Variants in KIAA0319 observed in about 807,000 individuals in gnomAD.
KIAA0319 encodes the protein KIAA0319.
Under a neutral mutation model 108.4 loss-of-function variants are expected in KIAA0319, and 83 were observed. That is an observed-to-expected ratio of 0.77 (90% CI 0.64 to 0.92). The LOEUF is 0.92. KIAA0319 is among the 40% of genes least tolerant of loss of function. KIAA0319 has a pLI of 0.00. For synonymous variants in KIAA0319, 484 were observed against 510.4 expected (o/e 0.95, Z 0.70); for missense variants, 1,195 against 1,322.4 (o/e 0.90, Z 1.49).
chr6:24,579,412 G>GATATATATATATAT lies in KIAA0319; in HGVS notation c.1372+432_1372+445dup, dbSNP rs3840133. ...GGTCACGGGAGCTCCTCTATATAAAGATATATATATATATATATATCTTAT... is the reference window on the plus strand; with the variant it reads ...GGTCACGGGAGCTCCTCTATATAAAGATATATATATATATATATATATATATATATATATCTTAT... On this transcript the variant is annotated intron_variant, in intron 8 of 20. Coordinates refer to ENST00000378214, the MANE Select transcript of KIAA0319 (RefSeq NM_014809.4). Among the ~76,000 whole-genome samples, 660 of 127,172 alleles carry GATATATATATATAT rather than the reference G, an allele frequency of 5.2e-3. 18 individuals carry two copies. Among genetic ancestry groups the GATATATATATATAT allele is most frequent in the African/African-American group, 0.013 (421 of 31,408 alleles). 83.4% of individuals were successfully genotyped at this position (127,172 alleles called of 152,430 possible). A position where few individuals can be genotyped will look rare whatever the true frequency, so the allele number is the denominator to read the frequency against.
intron 18 of KIAA0319, among the ~76,000 whole-genome samples, chr6:24,555,496 CAAAAAAAAA>C (rs34005198): frequency 2.5e-5 from 2 of 80,888 alleles, no homozygotes; most frequent in African/African-American, 4.2e-5. Context: ...GACTCCATCT[CAAAAAAAAA>C]AAAAAAAAAA....
rs781434453 is a variant in KIAA0319 at position 24,547,332 on chromosome 6, G to C, written c.3052C>G (p.Arg1018Gly). 4.3e-6 allele frequency: 7 copies of C among 1,613,812 alleles called. No individual in the cohort carries two copies. The South Asian group carries it at 6.6e-5, about 15-fold the overall frequency. Residue 1018 changes from arginine (R) to glycine (G), a missense_variant, in exon 21 of 21, where the codon CGA becomes GGA. By Grantham distance (125) the Arg-to-Gly change is moderately radical (BLOSUM62 -2). Transcript: ENST00000378214. Reference sequence around the variant, plus strand: ...AGGCTGGAGTTGTGCTCTGTGCTTCGGTGCTTGATACCTAGAGAGAAGCAC... The same window carrying C: ...AGGCTGGAGTTGTGCTCTGTGCTTCCGTGCTTGATACCTAGAGAGAAGCAC... ...ELRPKYGIKH[R>G]STEHNSSLMV...
intron 13 of KIAA0319, among the ~76,000 whole-genome samples, chr6:24,568,563 C>T (rs1764225141): frequency 6.6e-6 from 1 of 152,214 alleles, no homozygotes; most frequent in Non-Finnish European, 1.5e-5. Flanking sequence ...AGAAGATATG[C>T]TCCACAAACA....
chr6:24,579,706 AGG>A, intron 8 of KIAA0319, 150 bp downstream of exon 8: 2 of 604,960 alleles, frequency 3.3e-6, no homozygotes, highest in South Asian at 2.2e-5. Context: ...GAGGAGCTAA[AGG>A]AACTAAAGAA....
At chr6:24,571,207 A>G (rs1452765716) in intron 11 of KIAA0319, among the ~76,000 whole-genome samples, 1 of 151,574 alleles carries the variant, frequency 6.6e-6, no homozygotes, top group Non-Finnish European at 1.5e-5. Context: ...AAAAAAAAAA[A>G]GTATTGCTAA....
At chr6:24,630,232 G>C (rs1239608821) in intron 1 of KIAA0319, among the ~76,000 whole-genome samples, 1 of 151,730 alleles carries the variant, frequency 6.6e-6, no homozygotes, top group Non-Finnish European at 1.5e-5. Flanking sequence ...AAAATTGCTG[G>C]GTGCAGTGGC....
At chr6:24,570,213 A>G (rs1439311992) in intron 11 of KIAA0319, among the ~76,000 whole-genome samples, 178 bp from the exon 12 acceptor site, 1 of 152,230 alleles carries the variant, frequency 6.6e-6, no homozygotes, top group Non-Finnish European at 1.5e-5. Flanking sequence ...CAGGAGTTGA[A>G]CAGTCCAAGT....
In KIAA0319 at chr6:24,579,869, A is replaced by G. The variant is rs114195393; in HGVS notation, c.1361T>C (p.Ile454Thr). ...CTCAGGATACACACGGCTGCCATCA[A>G]TGAGGGCTGACGTCAAAGGCAAAGT... ...ELTLPLTSAL[I>T]DGSQSTDDTE... The change falls in exon 8 of 21, where the codon ATT becomes ACT. Residue 454 changes from isoleucine (I) to threonine (T), a missense_variant. Physicochemically the swap from Ile to Thr is moderately conservative, Grantham distance 89. Coordinates refer to ENST00000378214, the MANE Select transcript of KIAA0319 (RefSeq NM_014809.4). 854 of 1,602,210 alleles carry G rather than the reference A, an allele frequency of 5.3e-4. 2 individuals carry two copies. In the African/African-American group the frequency reaches 8.6e-3, roughly 16 times the overall value.
downstream of KIAA0319, among the ~76,000 whole-genome samples, chr6:24,543,611 T>A (rs961820725): frequency 6.6e-6 from 1 of 152,104 alleles, no homozygotes; most frequent in Non-Finnish European, 1.5e-5. Flanking sequence ...GTGTGTGTGT[T>A]TTTTGAGACA....
chr6:24,577,326 T>C (rs541251264), intron 9 of KIAA0319, among the ~76,000 whole-genome samples: 15 of 152,364 alleles, frequency 9.8e-5, no homozygotes, highest in South Asian at 2.1e-4. Context: ...CAAAGCTTTT[T>C]ACTTTTTAAT....
At chr6:24,583,761 C>A in intron 4 of KIAA0319, 59 bp from the exon 5 acceptor site, 1 of 1,009,592 alleles carries the variant, frequency 9.9e-7, no homozygotes, top group Non-Finnish European at 1.6e-6. Flanking sequence ...TACATTACTG[C>A]TCTACACTAG....
In KIAA0319 at chr6:24,596,386, G is replaced by A. The variant is rs200115570; in HGVS notation, c.288C>T (p.Ile96=). The change falls in exon 3 of 21, where the codon ATC becomes ATT. Residue 96 remains isoleucine (I), a synonymous_variant. Coordinates refer to ENST00000378214, the MANE Select transcript of KIAA0319 (RefSeq NM_014809.4). ...ENCEPKKMGP[I]RSYLTFVLRP... Reference sequence around the variant, plus strand: ...GGAGCACAAAAGTGAGATAAGACCTGATGGGGCCCATCTTCTTGGGCTCAC... The same window carrying A: ...GGAGCACAAAAGTGAGATAAGACCTAATGGGGCCCATCTTCTTGGGCTCAC... 1 of 1,614,238 alleles carries A rather than the reference G, an allele frequency of 6.2e-7. No homozygotes were observed. The highest frequency in any genetic ancestry group is 8.5e-7 in the Non-Finnish European group (1 of 1,180,042).
intron 14 of KIAA0319, among the ~76,000 whole-genome samples, chr6:24,564,824 C>A (rs1763669890): frequency 6.6e-6 from 1 of 152,152 alleles, no homozygotes; most frequent in Non-Finnish European, 1.5e-5. Context: ...GAGAGAAGAA[C>A]CTCCCAGACT....
chr6:24,578,050 T>A, intron 9 of KIAA0319, 60 bp downstream of exon 9: 2 of 1,519,274 alleles, frequency 1.3e-6, no homozygotes, highest in Non-Finnish European at 1.8e-6. Context: ...GTGCGTTAAT[T>A]TAAAGAAACA....
At chr6:24,548,660 T>C (rs1438489129) in intron 20 of KIAA0319, among the ~76,000 whole-genome samples, 2 of 152,164 alleles carry the variant, frequency 1.3e-5, no homozygotes, top group Non-Finnish European at 2.9e-5. Context: ...TCATGGAGTA[T>C]GCAGAAGCAT....
intron 1 of KIAA0319, among the ~76,000 whole-genome samples, chr6:24,615,007 A>C (rs1389378161): frequency 2.0e-5 from 3 of 152,220 alleles, no homozygotes; most frequent in Non-Finnish European, 1.5e-5. Flanking sequence ...CTCAAAATTT[A>C]TTCAATAAAT....
In KIAA0319 at chr6:24,572,555, T is replaced by C. The variant is rs564101168; in HGVS notation, c.1858+20A>G. 33 of 1,605,660 alleles carry C rather than the reference T, an allele frequency of 2.1e-5. No individual in the cohort carries two copies. Among genetic ancestry groups the C allele is most frequent in the Non-Finnish European group, 2.6e-5 (31 of 1,177,754 alleles). ...TTCTGCTTTAATCTCTGAGGCCAAATCTCTTTCTCCTCCACCTACCAGGCT... is the reference window on the plus strand; with the variant it reads ...TTCTGCTTTAATCTCTGAGGCCAAACCTCTTTCTCCTCCACCTACCAGGCT... On this transcript the variant is annotated intron_variant, in intron 11 of 20. Coordinates refer to ENST00000378214, the MANE Select transcript of KIAA0319 (RefSeq NM_014809.4).
chr6:24,569,757 A>G (rs978697486), intron 12 of KIAA0319, 146 bp downstream of exon 12: 2 of 917,024 alleles, frequency 2.2e-6, no homozygotes, highest in Non-Finnish European at 1.6e-6. Context: ...TCTTCAATCA[A>G]TAACGCCCAG....
intron 13 of KIAA0319, 72 bp downstream of exon 13, chr6:24,568,709 A>G (rs1223703074): frequency 1.4e-6 from 2 of 1,465,368 alleles, no homozygotes; most frequent in Admixed American, 1.8e-5. Context: ...CTGAATAGTC[A>G]TGGCCTGGCT....
Sources: allele counts gnomAD v4.1 joint callset (sites outside exome capture counted in the v4.1 genomes callset), GRCh38; gene constraint gnomAD v4.1.1; transcripts MANE v1.5; gene names NCBI Gene and HGNC (gene_info 2026-07-23, HGNC 2026-07-21).